The following PARD3 variants were observed in gnomAD, a reference collection of about 807,000 sequenced individuals.
The protein encoded by PARD3 is partitioning defective 3 homolog.
PARD3 carries 75 observed loss-of-function variants against 155.4 expected under a neutral mutation model. That is an observed-to-expected ratio of 0.48 (90% CI 0.40 to 0.58). The LOEUF (loss-of-function observed/expected upper bound fraction) is 0.58. PARD3 is among the 20% of genes least tolerant of loss of function. The probability of loss-of-function intolerance (pLI) is 0.00; values close to 1 mark genes in which losing one functional copy is unlikely to be tolerated. For synonymous variants in PARD3, 576 were observed against 610.5 expected (o/e 0.94, Z 0.83); for missense variants, 1,642 against 1,721.7 (o/e 0.95, Z 0.82).
chr10:34,254,613 A>C (rs1184016548), intron 22 of PARD3, among the ~76,000 whole-genome samples: 1 of 151,254 alleles, frequency 6.6e-6, no homozygotes, highest in Non-Finnish European at 1.5e-5. Context: ...TTAGGAATTC[A>C]GGATGCAGCT....
chr10:34,255,098 C>A (rs1363588023), intron 22 of PARD3, among the ~76,000 whole-genome samples: 1 of 152,060 alleles, frequency 6.6e-6, no homozygotes, highest in Non-Finnish European at 1.5e-5. Context: ...CCCACAAATT[C>A]TGTTGCAACC....
chr10:34,686,522 G>A (rs2093956490), intron 2 of PARD3, among the ~76,000 whole-genome samples: 1 of 151,438 alleles, frequency 6.6e-6, no homozygotes, highest in African/African-American at 2.4e-5. Context: ...GATGAACTGA[G>A]ATCAGGAGTT....
intron 23 of PARD3, among the ~76,000 whole-genome samples, chr10:34,130,624 T>C (rs927967770): frequency 1.3e-5 from 2 of 152,174 alleles, no homozygotes; most frequent in Non-Finnish European, 2.9e-5. Flanking sequence ...CTGTCATCTC[T>C]AGGGTGAGAC....
At chr10:34,381,316 A>C (rs2134733425) in intron 9 of PARD3, among the ~76,000 whole-genome samples, 1 of 152,324 alleles carries the variant, frequency 6.6e-6, no homozygotes, top group South Asian at 2.1e-4. Context: ...TCCAACTATA[A>C]GAGTTGATGG....
chr10:34,579,552 C>CTGTGTGTGTGTGTGTGTG (rs1316450167), intron 2 of PARD3, among the ~76,000 whole-genome samples: 1 of 62,434 alleles, frequency 1.6e-5, no homozygotes, highest in African/African-American at 5.8e-5. Flanking sequence ...CTACCATTTT[C>CTGTGTGTGTGTGTGTGTG]TCTGTGTGTG....
chr10:34,147,194 G>A (rs1347515866), intron 22 of PARD3, among the ~76,000 whole-genome samples: 1 of 151,816 alleles, frequency 6.6e-6, no homozygotes, highest in Non-Finnish European at 1.5e-5. Flanking sequence ...CTATTTTTCT[G>A]ACAGACCCCC....
At chr10:34,452,145 T>C (rs1564730220) in intron 4 of PARD3, among the ~76,000 whole-genome samples, 1 of 152,186 alleles carries the variant, frequency 6.6e-6, no homozygotes, top group African/African-American at 2.4e-5. Context: ...GAGGCTATCA[T>C]TGACTAGGGA....
chr10:34,784,293 A>G (rs1399567306), intron 1 of PARD3, among the ~76,000 whole-genome samples: 1 of 152,172 alleles, frequency 6.6e-6, no homozygotes, highest in African/African-American at 2.4e-5. Context: ...ATAAAAGAGT[A>G]AAGAAAGAAA....
chr10:34,484,104 G>A (rs1365741674), intron 3 of PARD3, among the ~76,000 whole-genome samples: 1 of 152,078 alleles, frequency 6.6e-6, no homozygotes, highest in Non-Finnish European at 1.5e-5. Flanking sequence ...GAAAAACATG[G>A]CACCAAATAG....
intron 22 of PARD3, among the ~76,000 whole-genome samples, chr10:34,232,984 G>C (rs1953011154): frequency 6.7e-6 from 1 of 150,136 alleles, no homozygotes; most frequent in African/African-American, 2.5e-5. Context: ...TTACAGGCCT[G>C]AGCCACCGTG....
chr10:34,756,470 T>C (rs868766548), intron 1 of PARD3, among the ~76,000 whole-genome samples: 50 of 134,418 alleles, frequency 3.7e-4, no homozygotes, highest in African/African-American at 1.2e-3. Context: ...CTTTTTTTTT[T>C]TTCTTATAAA....
intron 1 of PARD3, among the ~76,000 whole-genome samples, chr10:34,787,434 A>C (rs192799319): frequency 6.6e-6 from 1 of 152,300 alleles, no homozygotes; most frequent in East Asian, 1.9e-4. Flanking sequence ...ACAAGGTACT[A>C]ATCAGATAAC....
At chr10:34,332,382 G>C (rs987858876) in intron 18 of PARD3, among the ~76,000 whole-genome samples, 1 of 152,042 alleles carries the variant, frequency 6.6e-6, no homozygotes, top group African/African-American at 2.4e-5. Flanking sequence ...CCAGGTTATA[G>C]AACTGGTTCT....
chr10:34,638,232 G>A (rs1249395592), intron 2 of PARD3, among the ~76,000 whole-genome samples: 2 of 152,276 alleles, frequency 1.3e-5, no homozygotes, highest in African/African-American at 4.8e-5. Flanking sequence ...AGTAAGTCAT[G>A]AAGCCACCAA....
intron 3 of PARD3, among the ~76,000 whole-genome samples, chr10:34,483,143 C>T (rs545220878): frequency 4.6e-5 from 7 of 151,910 alleles, no homozygotes; most frequent in African/African-American, 1.4e-4. Context: ...GCAAGAAGAG[C>T]GAAACTCCAT....
At chr10:34,119,771 A>G in intron 23 of PARD3, 31 bp from the exon 24 acceptor site, 2 of 1,602,636 alleles carry the variant, frequency 1.2e-6, no homozygotes, top group Non-Finnish European at 1.7e-6. Flanking sequence ...CACATCGTTA[A>G]CCAGAAAGTT....
At chr10:34,600,460 A>G (rs2132492237) in intron 2 of PARD3, among the ~76,000 whole-genome samples, 1 of 152,308 alleles carries the variant, frequency 6.6e-6, no homozygotes, top group East Asian at 1.9e-4. Context: ...GAAAAAAAAA[A>G]TCAGTAATAT....
intron 2 of PARD3, among the ~76,000 whole-genome samples, chr10:34,577,173 T>C (rs1275483674): frequency 6.6e-6 from 1 of 152,188 alleles, no homozygotes. Flanking sequence ...TGTAAATAAA[T>C]TCTAATTAAA....
At chr10:34,659,030 T>A (rs1218914440) in intron 2 of PARD3, among the ~76,000 whole-genome samples, 1 of 152,202 alleles carries the variant, frequency 6.6e-6, no homozygotes, top group Non-Finnish European at 1.5e-5. Context: ...TACCTACAAA[T>A]TCCATGTTCT....
Sources: gnomAD v4.1 joint callset for allele counts (sites outside exome capture counted in the v4.1 genomes callset) on GRCh38, gnomAD v4.1.1 for gene constraint, MANE v1.5 for transcripts, NCBI Gene and HGNC (gene_info 2026-07-23, HGNC 2026-07-21) for gene names.